The following SLC24A2 variants were observed in gnomAD, a reference collection of about 807,000 sequenced individuals.
SLC24A2 encodes solute carrier family 24 member 2, also known as sodium/potassium/calcium exchanger 2.
In SLC24A2, 36 loss-of-function variants were observed where a neutral mutation model predicts 62.0. That is an observed-to-expected ratio of 0.58 (90% CI 0.44 to 0.77). SLC24A2 has a LOEUF of 0.77. Among genes scored for constraint, SLC24A2 ranks in the 30% least tolerant of loss-of-function variants. The pLI is 0.00. For synonymous variants in SLC24A2, 358 were observed against 294.0 expected, an observed-to-expected ratio of 1.22 and a Z score of -2.23; for missense variants, 846 against 817.9, an observed-to-expected ratio of 1.03 and a Z score of -0.42.
chr9:20,174,257 TGTCG>T, the SLC24A2 span, among the ~76,000 whole-genome samples: 1 of 152,028 alleles, frequency 6.6e-6, no homozygotes, highest in East Asian at 1.9e-4. Context: ...CAGAAGATAA[TGTCG>T]GAAAAACCCT....
At chr9:19,940,630 G>A in the SLC24A2 span, among the ~76,000 whole-genome samples, 1 of 152,132 alleles carries the variant, frequency 6.6e-6, no homozygotes, top group South Asian at 2.1e-4. Context: ...ACGTGTCTCT[G>A]TGGGCTTACT....
At chr9:19,943,410 A>C in the SLC24A2 span, among the ~76,000 whole-genome samples, 4 of 152,090 alleles carry the variant, frequency 2.6e-5, no homozygotes, top group African/African-American at 9.7e-5. Context: ...CCCTGGAGGG[A>C]AGTTGGAAGA....
chr9:19,855,919 C>A, the SLC24A2 span, among the ~76,000 whole-genome samples: 25 of 152,120 alleles, frequency 1.6e-4, no homozygotes, highest in African/African-American at 6.0e-4. Context: ...TTTTCAGGTA[C>A]CCTGATCAGT....
the SLC24A2 span, among the ~76,000 whole-genome samples, chr9:19,997,841 T>C: frequency 1.5e-4 from 23 of 152,204 alleles, no homozygotes; most frequent in Non-Finnish European, 2.9e-5. Context: ...TGTCCCTCAC[T>C]GCAAAAGAGA....
chr9:20,132,942 C>T, the SLC24A2 span, among the ~76,000 whole-genome samples: 1 of 152,004 alleles, frequency 6.6e-6, no homozygotes, highest in African/African-American at 2.4e-5. Context: ...ATATCAGAAA[C>T]ATTTTGTGAT....
chr9:19,998,814 G>T, the SLC24A2 span, among the ~76,000 whole-genome samples: 1 of 152,318 alleles, frequency 6.6e-6, no homozygotes, highest in Middle Eastern at 3.4e-3. Context: ...GATCTTTGTT[G>T]GTGGCAAGAT....
chr9:19,983,600 C>T, the SLC24A2 span, among the ~76,000 whole-genome samples: 2 of 152,060 alleles, frequency 1.3e-5, no homozygotes, highest in African/African-American at 4.8e-5. Context: ...GCCAAGATCG[C>T]ACCACTGTAC....
chr9:19,829,519 C>T, the SLC24A2 span, among the ~76,000 whole-genome samples: 1 of 152,002 alleles, frequency 6.6e-6, no homozygotes, highest in Non-Finnish European at 1.5e-5. Flanking sequence ...ATTTTTCCCA[C>T]CTTACCGCAG....
At chr9:20,019,905 G>A in the SLC24A2 span, among the ~76,000 whole-genome samples, 1 of 150,224 alleles carries the variant, frequency 6.7e-6, no homozygotes, top group Non-Finnish European at 1.5e-5. Flanking sequence ...CAAAAAGTGG[G>A]TAAAGGATAA....
the SLC24A2 span, among the ~76,000 whole-genome samples, chr9:19,895,224 A>G: frequency 6.7e-6 from 1 of 149,734 alleles, no homozygotes; most frequent in African/African-American, 2.4e-5. Flanking sequence ...ACCAAGGTTT[A>G]TTTTGTTTTT....
chr9:19,559,482 C>T (rs1374440859), intron 7 of SLC24A2, among the ~76,000 whole-genome samples: 2 of 152,110 alleles, frequency 1.3e-5, no homozygotes, highest in Non-Finnish European at 2.9e-5. Context: ...CTATCAGAAA[C>T]AAAGCTTCTA....
At chr9:19,963,747 A>G in the SLC24A2 span, among the ~76,000 whole-genome samples, 4 of 152,104 alleles carry the variant, frequency 2.6e-5, no homozygotes, top group East Asian at 3.9e-4. Flanking sequence ...GTGGAGAAAT[A>G]GGAACACTTT....
the SLC24A2 span, among the ~76,000 whole-genome samples, chr9:20,267,449 G>C: frequency 6.6e-6 from 1 of 152,148 alleles, no homozygotes; most frequent in African/African-American, 2.4e-5. Flanking sequence ...GGACCCCCGA[G>C]TGCCGCCACC....
chr9:19,955,939 C>T, the SLC24A2 span, among the ~76,000 whole-genome samples: 1 of 152,190 alleles, frequency 6.6e-6, no homozygotes, highest in Non-Finnish European at 1.5e-5. Flanking sequence ...TTAAATTAAT[C>T]TCACTGTAAA....
At chr9:19,829,495 TA>T in the SLC24A2 span, among the ~76,000 whole-genome samples, 2 of 152,110 alleles carry the variant, frequency 1.3e-5, no homozygotes, top group Non-Finnish European at 2.9e-5. Flanking sequence ...AAATGGAACC[TA>T]AAAAGCTCTT....
the SLC24A2 span, among the ~76,000 whole-genome samples, chr9:19,826,392 G>A: frequency 2.6e-5 from 4 of 152,204 alleles, no homozygotes; most frequent in Non-Finnish European, 5.9e-5. Flanking sequence ...AAGATCTTCT[G>A]GGACTTGAGG....
the SLC24A2 span, among the ~76,000 whole-genome samples, chr9:20,251,818 T>C: frequency 6.6e-6 from 1 of 152,164 alleles, no homozygotes; most frequent in Non-Finnish European, 1.5e-5. Context: ...CCACAACATA[T>C]CAGTTGTAAG....
chr9:20,279,087 C>T, the SLC24A2 span, among the ~76,000 whole-genome samples: 3 of 152,000 alleles, frequency 2.0e-5, no homozygotes, highest in African/African-American at 4.8e-5. Context: ...TACTTATTCA[C>T]TATCATGAGA....
chr9:19,860,784 G>A, the SLC24A2 span, among the ~76,000 whole-genome samples: 2 of 152,312 alleles, frequency 1.3e-5, no homozygotes, highest in East Asian at 1.9e-4. Context: ...GGCCTTAAGA[G>A]AACATTGGCA....
Sources: gnomAD v4.1 joint callset for allele counts (sites outside exome capture counted in the v4.1 genomes callset) on GRCh38, gnomAD v4.1.1 for gene constraint, MANE v1.5 for transcripts, NCBI Gene and HGNC (gene_info 2026-07-23, HGNC 2026-07-21) for gene names.